Variants in RCOR1 observed in about 807,000 individuals in gnomAD.
RCOR1 encodes the protein REST corepressor 1, also known as REST corepressor.
A neutral mutation model predicts 64.0 loss-of-function variants in RCOR1; 12 were observed. The ratio of observed to expected loss-of-function variants is 0.19; its 90% CI spans 0.12 to 0.30. RCOR1 has a LOEUF of 0.30. RCOR1 is among the 10% of genes least tolerant of loss of function. The pLI is 1.00. For missense variants in RCOR1, 502 were observed against 621.2 expected, an observed-to-expected ratio of 0.81 and a Z score of 2.04; for synonymous variants, 279 against 227.2, an observed-to-expected ratio of 1.23 and a Z score of -2.05.
At chr14:102,725,831 A>C (rs1048887521) in intron 11 of RCOR1, among the ~76,000 whole-genome samples, 11 of 152,056 alleles carry the variant, frequency 7.2e-5, no homozygotes, top group African/African-American at 2.7e-4. Flanking sequence ...TCAGCCTCCC[A>C]AAGTGCTGGG....
chr14:102,605,893 G>T (rs912661936), intron 2 of RCOR1, among the ~76,000 whole-genome samples: 1 of 152,036 alleles, frequency 6.6e-6, no homozygotes, highest in Non-Finnish European at 1.5e-5. Flanking sequence ...GATCCTGACT[G>T]TAGGCTAGGC....
intron 2 of RCOR1, among the ~76,000 whole-genome samples, chr14:102,611,250 G>T (rs187458909): frequency 1.3e-5 from 2 of 151,958 alleles, no homozygotes; most frequent in Non-Finnish European, 1.5e-5. Flanking sequence ...TTTTTGTATT[G>T]TTAGTAGAGA....
intron 2 of RCOR1, among the ~76,000 whole-genome samples, chr14:102,681,342 C>G (rs1895298899): frequency 6.6e-6 from 1 of 152,176 alleles, no homozygotes; most frequent in Non-Finnish European, 1.5e-5. Context: ...TAATAGATGA[C>G]AGCCGCTTGC....
chr14:102,716,210 A>C (rs1282265151), intron 8 of RCOR1, among the ~76,000 whole-genome samples: 2 of 151,378 alleles, frequency 1.3e-5, no homozygotes, highest in Non-Finnish European at 2.9e-5. Flanking sequence ...TGACATGTCT[A>C]CTCAAGTCTC....
At chr14:102,593,793 G>A (rs1893186824) in intron 2 of RCOR1, among the ~76,000 whole-genome samples, 1 of 152,142 alleles carries the variant, frequency 6.6e-6, no homozygotes, top group Admixed American at 6.6e-5. Flanking sequence ...TCAGCCTCTG[G>A]GCTCTTGCTG....
chr14:102,662,258 GT>G lies in RCOR1; in HGVS notation c.362-19635del, dbSNP rs1407522771. On this transcript the variant is annotated intron_variant, in intron 2 of 11. Transcript: ENST00000262241. The stretch of plus-strand genomic sequence containing the variant: ...ACTCAGTTTAGATGACCCCAATTTT[GT>G]TGGCAACATCCAAAGCATCATAATC... The G allele has an allele frequency of 5.7e-6, 3 of 528,128 alleles. No individual in the cohort carries two copies. In the African/African-American group the frequency reaches 5.8e-5, roughly 10 times the overall value. The allele number at this position is 528,128 out of a possible 1,614,324, so 32.7% of individuals were successfully genotyped here.
chr14:102,611,567 T>C (rs1442683369), intron 2 of RCOR1, among the ~76,000 whole-genome samples: 1 of 152,228 alleles, frequency 6.6e-6, no homozygotes, highest in Non-Finnish European at 1.5e-5. Context: ...TTTGTATTTC[T>C]ATAAATATTC....
intron 3 of RCOR1, among the ~76,000 whole-genome samples, chr14:102,682,755 A>G (rs550979991): frequency 6.6e-6 from 1 of 152,350 alleles, no homozygotes; most frequent in South Asian, 2.1e-4. Context: ...TTATGCCAGC[A>G]CAGTACTAAA....
At chr14:102,622,503 T>C (rs1254791752) in intron 2 of RCOR1, among the ~76,000 whole-genome samples, 1 of 152,174 alleles carries the variant, frequency 6.6e-6, no homozygotes, top group Non-Finnish European at 1.5e-5. Context: ...TCTTCCCTCT[T>C]TTCATGGACT....
At chr14:102,669,729 T>C (rs1435230292) in intron 2 of RCOR1, among the ~76,000 whole-genome samples, 1 of 152,222 alleles carries the variant, frequency 6.6e-6, no homozygotes, top group African/African-American at 2.4e-5. Flanking sequence ...ACACAGTGCC[T>C]AGCACATAGT....
chr14:102,716,039 A>C (rs1465723590), intron 8 of RCOR1, among the ~76,000 whole-genome samples: 1 of 152,198 alleles, frequency 6.6e-6, no homozygotes, highest in African/African-American at 2.4e-5. Flanking sequence ...TTTGAGAACC[A>C]CTGCTCTACA....
intron 3 of RCOR1, among the ~76,000 whole-genome samples, chr14:102,693,560 C>G (rs1895581728): frequency 6.6e-6 from 1 of 151,444 alleles, no homozygotes; most frequent in Admixed American, 6.6e-5. Context: ...GAGGGCCTGC[C>G]CCTCCCAACT....
chr14:102,683,825 TG>T (rs1567434943), intron 3 of RCOR1, among the ~76,000 whole-genome samples: 1 of 152,238 alleles, frequency 6.6e-6, no homozygotes, highest in Non-Finnish European at 1.5e-5. Flanking sequence ...CTGGCAGTGC[TG>T]GGCCTCAAGT....
chr14:102,686,305 A>C (rs1304890913), intron 3 of RCOR1, among the ~76,000 whole-genome samples: 1 of 152,154 alleles, frequency 6.6e-6, no homozygotes, highest in Non-Finnish European at 1.5e-5. Flanking sequence ...TTTTAGCTTC[A>C]CAGCTAAATT....
chr14:102,680,205 A>G, intron 2 of RCOR1, among the ~76,000 whole-genome samples: 1 of 152,038 alleles, frequency 6.6e-6, no homozygotes. Flanking sequence ...TAGAAATAGA[A>G]TTGACTATTT....
intron 3 of RCOR1, among the ~76,000 whole-genome samples, chr14:102,688,164 C>G (rs1895460537): frequency 6.6e-6 from 1 of 152,124 alleles, no homozygotes; most frequent in African/African-American, 2.4e-5. Flanking sequence ...CAGGGTTTTA[C>G]CATGTTGGCC....
intron 5 of RCOR1, among the ~76,000 whole-genome samples, chr14:102,708,151 A>G (rs143712633): frequency 0.049 from 7,512 of 151,960 alleles, 377 homozygotes; most frequent in African/African-American, 0.13. Context: ...ATTTTTAGTA[A>G]AGACAGGATT....
rs998966277 is a variant in RCOR1 at position 102,597,697 on chromosome 14, C to T, written c.361+4372C>T. ...TGTTGCCCAGGCTGGAGTGCAGTGG[C>T]ACAATCAGCTCACACAGCCTCTGCC... is the stretch of plus-strand genomic sequence containing the variant. On this transcript the variant is annotated intron_variant, in intron 2 of 11. Coordinates refer to ENST00000262241, the MANE Select transcript of RCOR1 (RefSeq NM_015156.4). Among the ~76,000 whole-genome samples, 4 of 135,974 alleles carry T rather than the reference C, an allele frequency of 2.9e-5. No homozygotes were observed. In the Admixed American group the frequency reaches 3.3e-4, roughly 11 times the overall value. 89.2% of individuals were successfully genotyped at this position (135,974 alleles called of 152,430 possible). A position where few individuals can be genotyped will look rare whatever the true frequency, so the allele number is the denominator to read the frequency against.
At chr14:102,608,368 C>T (rs2139886916) in intron 2 of RCOR1, among the ~76,000 whole-genome samples, 1 of 152,214 alleles carries the variant, frequency 6.6e-6, no homozygotes, top group Middle Eastern at 3.4e-3. Flanking sequence ...CATGTTGAAG[C>T]TTGAGTCAGT....
Sources: allele counts gnomAD v4.1 joint callset (sites outside exome capture counted in the v4.1 genomes callset), GRCh38; gene constraint gnomAD v4.1.1; transcripts MANE v1.5; gene names NCBI Gene and HGNC (gene_info 2026-07-23, HGNC 2026-07-21).